Variants in CNTN4 observed in about 807,000 individuals in gnomAD.
The protein encoded by CNTN4 is contactin 4.
Under a neutral mutation model 122.5 loss-of-function variants are expected in CNTN4, and 77 were observed. The observed-to-expected ratio is 0.63, with a 90% confidence interval of 0.52 to 0.76. The LOEUF is 0.76. Ranked by LOEUF, CNTN4 falls within the 30% of genes least tolerant of loss-of-function variation. The pLI, the probability that CNTN4 is intolerant of heterozygous loss-of-function variation, is 0.00. For synonymous variants in CNTN4, 512 were observed against 447.0 expected (o/e 1.15, Z -1.83); for missense variants, 1,256 against 1,259.1 (o/e 1.00, Z 0.04).
chr3:2,984,353 G>A (rs1577504535), intron 13 of CNTN4, among the ~76,000 whole-genome samples: 1 of 152,136 alleles, frequency 6.6e-6, no homozygotes, highest in Admixed American at 6.5e-5. Flanking sequence ...TTCTCAAATG[G>A]GGTGATTTTG....
chr3:2,125,342 G>C (rs2034075978), intron 2 of CNTN4, among the ~76,000 whole-genome samples: 1 of 151,234 alleles, frequency 6.6e-6, no homozygotes, highest in Non-Finnish European at 1.5e-5. Context: ...GTGTGTGTGT[G>C]TGTGTGTGTG....
At chr3:2,278,568 G>T (rs375063853) in intron 2 of CNTN4, among the ~76,000 whole-genome samples, 1 of 152,218 alleles carries the variant, frequency 6.6e-6, no homozygotes, top group Non-Finnish European at 1.5e-5. Context: ...TGAAAGAGAA[G>T]TATACAGTAT....
At chr3:2,776,004 C>T (rs1350300836) in intron 6 of CNTN4, among the ~76,000 whole-genome samples, 1 of 152,180 alleles carries the variant, frequency 6.6e-6, no homozygotes, top group African/African-American at 2.4e-5. Flanking sequence ...GCATTTTATA[C>T]ATACTTATGT....
At chr3:2,742,767 A>T (rs2089529544) in intron 5 of CNTN4, among the ~76,000 whole-genome samples, 1 of 152,182 alleles carries the variant, frequency 6.6e-6, no homozygotes, top group Non-Finnish European at 1.5e-5. Context: ...CATTGCCTCT[A>T]TATTACCAAC....
At chr3:2,218,847 A>T (rs888175243) in intron 2 of CNTN4, among the ~76,000 whole-genome samples, 2 of 152,210 alleles carry the variant, frequency 1.3e-5, no homozygotes, top group Non-Finnish European at 2.9e-5. Context: ...TTCCTAGAGC[A>T]ATTCCAATTT....
At chr3:2,785,902 C>CCT (rs1553639529) in intron 6 of CNTN4, among the ~76,000 whole-genome samples, 3 of 129,458 alleles carry the variant, frequency 2.3e-5, no homozygotes. Context: ...GCTGCCCCCC[C>CCT]CCGCCCCCCC....
At chr3:2,789,003 C>G (rs1487819782) in intron 6 of CNTN4, among the ~76,000 whole-genome samples, 1 of 151,978 alleles carries the variant, frequency 6.6e-6, no homozygotes, top group Non-Finnish European at 1.5e-5. Context: ...TTAAGGATTC[C>G]CCTGTATTTT....
At position 2,871,695 on chromosome 3, in the gene CNTN4, C is replaced by T. The variant is rs2093786145; in HGVS notation, c.652+4746C>T. The stretch of plus-strand genomic sequence containing the variant: ...AATGGCATCAGGACAGATTCCTGGT[C>T]CCTGATCATCATATTATTTCACTGA... On this transcript the variant is annotated intron_variant, in intron 8 of 24. Coordinates refer to ENST00000418658, the MANE Select transcript of CNTN4 (RefSeq NM_175607.3). Among the ~76,000 whole-genome samples the T allele has an allele frequency of 2.0e-5, 3 of 152,060 alleles. No individual in the cohort carries two copies. The South Asian group carries it at 6.2e-4, about 32-fold the overall frequency.
chr3:2,950,190 A>C (rs1047706593), intron 13 of CNTN4, among the ~76,000 whole-genome samples: 1 of 152,234 alleles, frequency 6.6e-6, no homozygotes, highest in Non-Finnish European at 1.5e-5. Context: ...CTCGAAGGGT[A>C]GCTAGCACTG....
intron 3 of CNTN4, among the ~76,000 whole-genome samples, chr3:2,451,140 A>C (rs1410241211): frequency 6.6e-6 from 1 of 152,200 alleles, no homozygotes; most frequent in Non-Finnish European, 1.5e-5. Context: ...TATTTATGAG[A>C]ATAGAGAAGA....
intron 6 of CNTN4, among the ~76,000 whole-genome samples, chr3:2,815,545 C>T (rs1008593476): frequency 1.2e-4 from 18 of 152,078 alleles, no homozygotes; most frequent in African/African-American, 3.4e-4. Context: ...AATGTGATAC[C>T]GCCTTACACC....
At chr3:2,642,247 A>G (rs369904983) in intron 4 of CNTN4, among the ~76,000 whole-genome samples, 2 of 152,174 alleles carry the variant, frequency 1.3e-5, no homozygotes, top group Non-Finnish European at 2.9e-5. Context: ...TGGAAGAAAG[A>G]TGTAGGGTGG....
rs2093366163 is a variant in CNTN4, at chr3:2,841,772, T to C, written c.454+22191T>C. Among the ~76,000 whole-genome samples the C allele has an allele frequency of 6.6e-6, 1 of 152,176 alleles. No individual in the cohort carries two copies. Among genetic ancestry groups the C allele is most frequent in the Non-Finnish European group, 1.5e-5 (1 of 68,026 alleles). On this transcript the variant is annotated intron_variant, in intron 7 of 24. Coordinates refer to ENST00000418658, the MANE Select transcript of CNTN4 (RefSeq NM_175607.3). This position sits in a 1 kb window ranked among gnomAD's most constrained non-coding sequence, Gnocchi z 4.8. ...ATGATAACATGATCATTTTCAGGAA[T>C]TTTATTCTTCCTCCCTTGACCACAA... is the stretch of plus-strand genomic sequence containing the variant.
chr3:2,833,528 C>T (rs966149111), intron 7 of CNTN4, among the ~76,000 whole-genome samples: 5 of 152,036 alleles, frequency 3.3e-5, no homozygotes, highest in Non-Finnish European at 5.9e-5. Context: ...ACATACTTAC[C>T]ATTCCATGTG....
intron 3 of CNTN4, among the ~76,000 whole-genome samples, chr3:2,448,035 C>G (rs1044912062): frequency 6.6e-6 from 1 of 152,160 alleles, no homozygotes; most frequent in African/African-American, 2.4e-5. Flanking sequence ...ACTTCTCCTA[C>G]AGTAATTAAC....
At chr3:2,723,557 C>A (rs535102631) in intron 4 of CNTN4, among the ~76,000 whole-genome samples, 1 of 152,086 alleles carries the variant, frequency 6.6e-6, no homozygotes, top group African/African-American at 2.4e-5. Flanking sequence ...TGTCTTCACA[C>A]GGTGGAAGGG....
chr3:2,663,834 T>C (rs970689074), intron 4 of CNTN4, among the ~76,000 whole-genome samples: 1 of 152,216 alleles, frequency 6.6e-6, no homozygotes, highest in Admixed American at 6.5e-5. Context: ...AAAGTACTGA[T>C]GCATACATAT....
At chr3:3,039,589 C>G (rs974592291) in intron 19 of CNTN4, 12 of 214,180 alleles carry the variant, frequency 5.6e-5, no homozygotes, top group Non-Finnish European at 1.0e-4. Flanking sequence ...AAAGAAATCA[C>G]TCATCCCTCC....
At chr3:2,326,262 T>C (rs2043451954) in intron 2 of CNTN4, among the ~76,000 whole-genome samples, 2 of 152,292 alleles carry the variant, frequency 1.3e-5, no homozygotes, top group South Asian at 4.2e-4. Context: ...GCTTTTTTCC[T>C]GCATTCAGAT....
Sources: allele counts gnomAD v4.1 joint callset (sites outside exome capture counted in the v4.1 genomes callset), GRCh38; gene constraint gnomAD v4.1.1; non-coding constraint Gnocchi (gnomAD v3.1); transcripts MANE v1.5; gene names NCBI Gene and HGNC (gene_info 2026-07-23, HGNC 2026-07-21).